CNGB1: variants seen among roughly 807,000 people sequenced by gnomAD.
CNGB1 encodes cyclic nucleotide-gated channel beta-1.
In CNGB1, 126 loss-of-function variants were observed where a neutral mutation model predicts 151.7. The observed-to-expected ratio is 0.83, with a 90% confidence interval of 0.72 to 0.96. The LOEUF (loss-of-function observed/expected upper bound fraction) is 0.96, where lower values mean the gene tolerates loss of function less well. CNGB1 is among the 40% of genes least tolerant of loss of function. CNGB1 has a pLI of 0.00. For synonymous variants in CNGB1, 623 were observed against 635.1 expected (o/e 0.98, Z 0.29); for missense variants, 1,698 against 1,627.0 (o/e 1.04, Z -0.75).
intron 8 of CNGB1, 109 bp downstream of exon 8, chr16:57,960,731 A>G: frequency 1.5e-6 from 2 of 1,341,756 alleles, no homozygotes; most frequent in Middle Eastern, 3.6e-4. Flanking sequence ...TCGCCCCCTC[A>G]TGAGTTCTGG....
At chr16:57,930,817 G>T (rs1279547112) in intron 17 of CNGB1, among the ~76,000 whole-genome samples, 1 of 152,130 alleles carries the variant, frequency 6.6e-6, no homozygotes, top group Non-Finnish European at 1.5e-5. Context: ...CATAGAAACA[G>T]AAAGTAGAAT....
chr16:57,906,199 ATCTC>A (rs139113790), intron 25 of CNGB1, among the ~76,000 whole-genome samples: 1 of 150,980 alleles, frequency 6.6e-6, no homozygotes. Flanking sequence ...ACTTGGACAA[ATCTC>A]TCTCTCTCTC....
intron 18 of CNGB1, among the ~76,000 whole-genome samples, chr16:57,922,544 T>A (rs1310589394): frequency 6.6e-6 from 1 of 151,886 alleles, no homozygotes; most frequent in Non-Finnish European, 1.5e-5. Context: ...TTCTCCTGTC[T>A]CAGCCTCCCA....
At chr16:57,968,499 A>AAAT (rs1381186296) in intron 1 of CNGB1, among the ~76,000 whole-genome samples, 57 of 151,954 alleles carry the variant, frequency 3.8e-4, no homozygotes, top group Non-Finnish European at 1.9e-4. Flanking sequence ...CCTGTCTCAA[A>AAAT]AATAATAATA....
At chr16:57,907,099 A>G (rs1235517059) in intron 25 of CNGB1, among the ~76,000 whole-genome samples, 4 of 152,188 alleles carry the variant, frequency 2.6e-5, no homozygotes. Context: ...GACATTTGGG[A>G]AGGAGTATTG....
chr16:57,944,320 G>A (rs1187073965), intron 14 of CNGB1, among the ~76,000 whole-genome samples: 1 of 152,158 alleles, frequency 6.6e-6, no homozygotes, highest in African/African-American at 2.4e-5. Flanking sequence ...TATACGTGGA[G>A]TGTAAAAAAG....
At chr16:57,917,196 G>C in intron 21 of CNGB1, 72 bp downstream of exon 21, 1 of 1,245,458 alleles carries the variant, frequency 8.0e-7, no homozygotes, top group Non-Finnish European at 1.2e-6. Context: ...CAGCATCAGG[G>C]GTCAGTGCCC....
At chr16:57,946,886 C>T (rs1046340137) in intron 14 of CNGB1, among the ~76,000 whole-genome samples, 1 of 152,224 alleles carries the variant, frequency 6.6e-6, no homozygotes, top group Non-Finnish European at 1.5e-5. Flanking sequence ...TCTGGGTAAA[C>T]ATTTGTATGA....
chr16:57,887,378 A>G (rs1959960970), intron 32 of CNGB1, among the ~76,000 whole-genome samples: 1 of 152,084 alleles, frequency 6.6e-6, no homozygotes, highest in Non-Finnish European at 1.5e-5. Flanking sequence ...AGAGCACCAT[A>G]GTGCCCTGGC....
At position 57,957,560 on chromosome 16, in the gene CNGB1, G is replaced by A. The variant is rs1427602044; in HGVS notation, c.838-183C>T. On this transcript the variant is annotated intron_variant, in intron 11 of 32. Coordinates refer to ENST00000251102, the MANE Select transcript of CNGB1 (RefSeq NM_001297.5). ...TGAAGGATTTGAGGTGGGGGGAGGG[G>A]GCTTTGAGAGCTCGAGCCTTGGCTC... is the stretch of plus-strand genomic sequence containing the variant. 2.0e-5 allele frequency among the ~76,000 whole-genome samples: 3 copies of A among 152,324 alleles called. No individual in the cohort carries two copies. The East Asian group carries it at 5.8e-4, about 29-fold the overall frequency.
chr16:57,957,319 G>T (rs754195114), intron 12 of CNGB1, 22 bp downstream of exon 12: 2 of 1,609,506 alleles, frequency 1.2e-6, no homozygotes, highest in South Asian at 2.2e-5. Flanking sequence ...TGTACATGGG[G>T]ACTCAGTAAT....
chr16:57,966,778 TA>T (rs1376865474), intron 2 of CNGB1, among the ~76,000 whole-genome samples: 1 of 152,240 alleles, frequency 6.6e-6, no homozygotes, highest in Non-Finnish European at 1.5e-5. Flanking sequence ...CTTGTTTTTA[TA>T]AATAAAATTT....
chr16:57,923,108 GC>G, intron 18 of CNGB1, 164 bp downstream of exon 18: 1 of 530,568 alleles, frequency 1.9e-6, no homozygotes. Context: ...TCCTGGGCCA[GC>G]CAGAAGCAGC....
intron 22 of CNGB1, 88 bp from the exon 23 acceptor site, chr16:57,915,423 C>T (rs533311423): frequency 3.5e-5 from 36 of 1,040,770 alleles, no homozygotes; most frequent in Non-Finnish European, 5.3e-5. Flanking sequence ...CTCTCCCTTC[C>T]ATGGAAAGGT....
intron 25 of CNGB1, among the ~76,000 whole-genome samples, chr16:57,910,274 A>C (rs1429046181): frequency 2.6e-4 from 39 of 152,234 alleles, no homozygotes; most frequent in Non-Finnish European, 1.5e-5. Flanking sequence ...CTTCATCTGC[A>C]TGAAAATACC....
intron 12 of CNGB1, among the ~76,000 whole-genome samples, chr16:57,953,491 C>CT (rs1448791729): frequency 2.0e-5 from 2 of 101,702 alleles, no homozygotes; most frequent in African/African-American, 1.1e-4. Flanking sequence ...AAGGCTCAAT[C>CT]TTAAAAAAAA....
At position 57,949,054 on chromosome 16, in the gene CNGB1, G is replaced by A. The variant is rs1448695314; in HGVS notation, c.1121+299C>T. Among the ~76,000 whole-genome samples the A allele has an allele frequency of 3.9e-5, 6 of 152,152 alleles. No individual in the cohort carries two copies. The East Asian group carries it at 1.2e-3, about 29-fold the overall frequency. On this transcript the variant is annotated intron_variant, in intron 14 of 32. Transcript: ENST00000251102. ...TGGTGCCCACTGTGTACCAGGCACT[G>A]TTCTAGGCTCTAGGGACATGGCAGT... is the stretch of plus-strand genomic sequence containing the variant.
At position 57,940,360 on chromosome 16, in the gene CNGB1, G is replaced by C. The variant is rs560294907; in HGVS notation, c.1122-39C>G. On this transcript the variant is annotated intron_variant, in intron 14 of 32. Coordinates refer to ENST00000251102, the MANE Select transcript of CNGB1 (RefSeq NM_001297.5). The stretch of plus-strand genomic sequence containing the variant: ...CGGGGTGGGGAGGATAAAAGGACTG[G>C]GTTAGGGTGTTAAAGGTTTCCCCAG... 20 of 1,547,842 alleles carry C rather than the reference G, an allele frequency of 1.3e-5. No individual in the cohort carries two copies. The African/African-American group carries it at 2.6e-4, about 20-fold the overall frequency.
intron 25 of CNGB1, among the ~76,000 whole-genome samples, chr16:57,911,276 G>T (rs1266099977): frequency 1.3e-5 from 2 of 152,146 alleles, no homozygotes; most frequent in Non-Finnish European, 1.5e-5. Flanking sequence ...GGAAGATGTA[G>T]TGACCTGGCT....
Sources: gnomAD v4.1 joint callset for allele counts (sites outside exome capture counted in the v4.1 genomes callset) on GRCh38, gnomAD v4.1.1 for gene constraint, MANE v1.5 for transcripts, NCBI Gene and HGNC (gene_info 2026-07-23, HGNC 2026-07-21) for gene names.